The following NRXN3 variants were observed in gnomAD, a reference collection of about 807,000 sequenced individuals.
NRXN3 encodes neurexin III.
In NRXN3, 32 loss-of-function variants were observed where a neutral mutation model predicts 137.6. The ratio of observed to expected loss-of-function variants is 0.23; its 90% CI spans 0.18 to 0.31. The LOEUF (loss-of-function observed/expected upper bound fraction) is 0.31. Among genes scored for constraint, NRXN3 ranks in the 10% least tolerant of loss-of-function variants. The pLI is 1.00. For missense variants in NRXN3, 1,574 were observed against 2,062.5 expected (o/e 0.76, Z 4.59); for synonymous variants, 798 against 784.5 (o/e 1.02, Z -0.29).
At chr14:78,244,223 A>C (rs1000622433) in intron 2 of NRXN3, among the ~76,000 whole-genome samples, 1 of 152,180 alleles carries the variant, frequency 6.6e-6, no homozygotes, top group Non-Finnish European at 1.5e-5. Flanking sequence ...TGAGGTCAGG[A>C]GTTGGAGACC....
At chr14:79,115,124 G>A (rs576393541) in intron 15 of NRXN3, among the ~76,000 whole-genome samples, 1 of 152,128 alleles carries the variant, frequency 6.6e-6, no homozygotes, top group East Asian at 2.0e-4. Context: ...TCAGGATTTT[G>A]AGACCAGCCT....
chr14:79,676,640 G>C (rs1029776747), intron 17 of NRXN3, among the ~76,000 whole-genome samples: 31 of 151,898 alleles, frequency 2.0e-4, no homozygotes, highest in East Asian at 5.8e-4. Flanking sequence ...GAGATGATGG[G>C]CATGTTACTT....
chr14:78,550,772 A>G (rs1015964), intron 4 of NRXN3, among the ~76,000 whole-genome samples: 54,824 of 152,044 alleles, frequency 0.36, 10,294 homozygotes, highest in Admixed American at 0.41. Context: ...AATACCAACA[A>G]TAAGAACTTG....
At chr14:78,332,368 T>C (rs567208589) in intron 4 of NRXN3, among the ~76,000 whole-genome samples, 2 of 149,122 alleles carry the variant, frequency 1.3e-5, no homozygotes, top group East Asian at 2.0e-4. Flanking sequence ...CAGGCTGGAG[T>C]GCAGTGGCAT....
At chr14:79,464,100 T>C (rs2096389315) in intron 15 of NRXN3, among the ~76,000 whole-genome samples, 1 of 151,946 alleles carries the variant, frequency 6.6e-6, no homozygotes, top group Admixed American at 6.6e-5. Flanking sequence ...AACATCAGAG[T>C]AGAAAGTTAT....
intron 19 of NRXN3, among the ~76,000 whole-genome samples, chr14:79,732,964 A>C (rs2098929256): frequency 6.6e-6 from 1 of 152,176 alleles, no homozygotes. Context: ...TTTGATATTA[A>C]TATTAATATC....
intron 15 of NRXN3, among the ~76,000 whole-genome samples, chr14:79,117,712 A>G (rs576265338): frequency 6.2e-4 from 94 of 152,368 alleles, no homozygotes; most frequent in Middle Eastern, 3.4e-3. Flanking sequence ...AGTCTTTGGC[A>G]GCACTTCTGT....
At chr14:79,257,121 C>G (rs2076680017) in intron 15 of NRXN3, among the ~76,000 whole-genome samples, 1 of 152,074 alleles carries the variant, frequency 6.6e-6, no homozygotes, top group African/African-American at 2.4e-5. Context: ...TAGGCTCTTA[C>G]AGCAGCAAAT....
At chr14:79,081,089 C>T (rs140087731) in intron 15 of NRXN3, among the ~76,000 whole-genome samples, 8 of 152,212 alleles carry the variant, frequency 5.3e-5, no homozygotes, top group African/African-American at 1.9e-4. Flanking sequence ...AAGTATTTTG[C>T]GTCTATTATC....
intron 15 of NRXN3, among the ~76,000 whole-genome samples, chr14:79,125,812 C>T (rs1015884113): frequency 1.5e-4 from 23 of 152,038 alleles, no homozygotes; most frequent in Non-Finnish European, 5.9e-5. Context: ...TTTCATCTCT[C>T]GCTGATGATT....
At chr14:79,411,681 T>C (rs1319750271) in intron 15 of NRXN3, among the ~76,000 whole-genome samples, 1 of 152,204 alleles carries the variant, frequency 6.6e-6, no homozygotes, top group Non-Finnish European at 1.5e-5. Context: ...ATAATTAGAA[T>C]CCAGAACAAT....
At chr14:78,810,163 C>A (rs1255199195) in intron 9 of NRXN3, 155 bp from the exon 10 acceptor site, 5 of 592,250 alleles carry the variant, frequency 8.4e-6, no homozygotes, top group African/African-American at 2.0e-5. Flanking sequence ...TACATATACA[C>A]CCACCCTTAA....
intron 10 of NRXN3, among the ~76,000 whole-genome samples, chr14:78,854,645 C>T (rs1262289385): frequency 5.9e-5 from 9 of 152,134 alleles, no homozygotes; most frequent in Non-Finnish European, 7.3e-5. Flanking sequence ...AGAGGCTATT[C>T]TTTTCAAGGT....
intron 8 of NRXN3, among the ~76,000 whole-genome samples, chr14:78,788,051 G>T (rs1233449110): frequency 6.6e-6 from 1 of 152,076 alleles, no homozygotes; most frequent in Non-Finnish European, 1.5e-5. Context: ...ATTTTCTTAT[G>T]CAGTTTTTAA....
intron 19 of NRXN3, among the ~76,000 whole-genome samples, chr14:79,762,621 T>C (rs2099042474): frequency 6.6e-6 from 1 of 151,704 alleles, no homozygotes; most frequent in Non-Finnish European, 1.5e-5. Context: ...CTGTAAGTCT[T>C]ATTTTCTTGT....
At chr14:78,403,665 G>A (rs2092275281) in intron 4 of NRXN3, 17 of 960,864 alleles carry the variant, frequency 1.8e-5, no homozygotes, top group Non-Finnish European at 2.0e-5. Context: ...GCAAAATCAC[G>A]AACACCGAGG....
intron 4 of NRXN3, among the ~76,000 whole-genome samples, chr14:78,376,483 T>C (rs900459764): frequency 6.6e-6 from 1 of 152,194 alleles, no homozygotes; most frequent in African/African-American, 2.4e-5. Flanking sequence ...GTTCCATCCT[T>C]AAGTACAATT....
intron 16 of NRXN3, among the ~76,000 whole-genome samples, chr14:79,477,044 A>G (rs1194725884): frequency 6.6e-6 from 1 of 152,070 alleles, no homozygotes; most frequent in Non-Finnish European, 1.5e-5. Context: ...AATGAAAATC[A>G]TATGTACGAA....
chr14:79,228,074 AC>A (rs969691283), intron 15 of NRXN3, among the ~76,000 whole-genome samples: 50 of 152,284 alleles, frequency 3.3e-4, no homozygotes, highest in African/African-American at 1.2e-3. Context: ...GCATTCAGAT[AC>A]CTTTGCCTGC....
Sources: allele counts gnomAD v4.1 joint callset (sites outside exome capture counted in the v4.1 genomes callset), GRCh38; gene constraint gnomAD v4.1.1; transcripts MANE v1.5; gene names NCBI Gene and HGNC (gene_info 2026-07-23, HGNC 2026-07-21).